Variants in TTC17 observed in about 807,000 individuals in gnomAD.
TTC17 encodes tetratricopeptide repeat domain 17.
A neutral mutation model predicts 143.8 loss-of-function variants in TTC17; 58 were observed. The ratio of observed to expected loss-of-function variants is 0.40; its 90% CI spans 0.33 to 0.50. TTC17 has a LOEUF of 0.50. TTC17 is among the 20% of genes least tolerant of loss of function. The pLI, the probability that TTC17 is intolerant of heterozygous loss-of-function variation, is 0.49. For missense variants in TTC17, 1,273 were observed against 1,392.5 expected (o/e 0.91, Z 1.37); for synonymous variants, 501 against 497.8 (o/e 1.01, Z -0.09).
chr11:43,479,092 T>C (rs182077835), intron 21 of TTC17, among the ~76,000 whole-genome samples: 72 of 152,034 alleles, frequency 4.7e-4, no homozygotes, highest in African/African-American at 1.7e-3. Context: ...TACAAAAAAT[T>C]AGCAAGGTGT....
At chr11:43,381,966 T>C (rs11037426) in intron 2 of TTC17, among the ~76,000 whole-genome samples, 87,730 of 152,042 alleles carry the variant, frequency 0.58, 26,462 homozygotes, top group African/African-American at 0.73. Flanking sequence ...CAAGAATGGA[T>C]GTCACGTGGG....
At chr11:43,462,587 C>A (rs1254243989) in intron 21 of TTC17, among the ~76,000 whole-genome samples, 2 of 152,188 alleles carry the variant, frequency 1.3e-5, no homozygotes, top group African/African-American at 4.8e-5. Context: ...TTTTGGACCT[C>A]CTGCCTTAAG....
intron 15 of TTC17, among the ~76,000 whole-genome samples, chr11:43,411,495 C>T (rs951283418): frequency 1.3e-5 from 2 of 151,818 alleles, no homozygotes; most frequent in African/African-American, 4.8e-5. Context: ...ATTTTGCTCA[C>T]TGACATCCCC....
chr11:43,380,241 C>T (rs1856914231), intron 2 of TTC17, among the ~76,000 whole-genome samples: 1 of 152,040 alleles, frequency 6.6e-6, no homozygotes, highest in Non-Finnish European at 1.5e-5. Flanking sequence ...AGCTGGCATA[C>T]CTGTTTTTTG....
intron 16 of TTC17, among the ~76,000 whole-genome samples, chr11:43,421,591 A>G (rs1946905943): frequency 6.6e-6 from 1 of 152,186 alleles, no homozygotes; most frequent in Admixed American, 6.5e-5. Flanking sequence ...TCATAGGAGC[A>G]TGAACCTATT....
Position 43,493,837 on chromosome 11 carries a change from C to T in TTC17, c.3359C>T (p.Pro1120Leu), listed in dbSNP as rs757564706. Residue 1120 changes from proline to leucine, a missense_variant, in exon 24 of 24, where the codon CCA (proline) becomes CTA (leucine). Coordinates refer to ENST00000039989, the MANE Select transcript of TTC17 (RefSeq NM_018259.6). ...TTGAAGCTTCAGCCCGAGTTTGTCCCAGCCAAGAACCGAATCCAGACCATC... is the reference window on the plus strand; with the variant it reads ...TTGAAGCTTCAGCCCGAGTTTGTCCTAGCCAAGAACCGAATCCAGACCATC... The part of the protein sequence containing the change: ...STLKLQPEFV[P>L]AKNRIQTIQC... 20 of 1,613,934 alleles carry T rather than the reference C, an allele frequency of 1.2e-5. No individual in the cohort carries two copies. The highest frequency in any genetic ancestry group is 8.5e-7 in the Non-Finnish European group (1 of 1,179,990).
At position 43,401,452 on chromosome 11, in the gene TTC17, A is replaced by G. The variant is rs1857851906; in HGVS notation, c.1226A>G (p.His409Arg). The G allele has an allele frequency of 2.5e-6, 4 of 1,608,128 alleles. No individual in the cohort carries two copies. Among genetic ancestry groups the G allele is most frequent in the Admixed American group, 1.7e-5 (1 of 58,866 alleles). ...ATTTCCTTTCTTATTCCAGGAAATC[A>G]TCAGATATGCCGACTGGTCAACCAG... Reference protein sequence around the residue: ...QMAKEAQLGNHQICRLVNQQH... With the variant: ...QMAKEAQLGNRQICRLVNQQH... Residue 409 changes from histidine to arginine, a missense_variant, in exon 10 of 24, where the codon CAT becomes CGT. His to Arg is a conservative substitution (Grantham distance 29, BLOSUM62 0). Coordinates refer to ENST00000039989, the MANE Select transcript of TTC17 (RefSeq NM_018259.6).
chr11:43,374,104 T>A (rs546727777), intron 1 of TTC17, among the ~76,000 whole-genome samples: 2 of 152,302 alleles, frequency 1.3e-5, no homozygotes, highest in East Asian at 3.9e-4. Context: ...ATTAAATGCC[T>A]AGCATATACC....
At chr11:43,384,477 G>A (rs1269983752) in intron 2 of TTC17, among the ~76,000 whole-genome samples, 3 of 152,152 alleles carry the variant, frequency 2.0e-5, no homozygotes, top group Non-Finnish European at 4.4e-5. Flanking sequence ...GCAGCATGGA[G>A]AAATGCTGTT....
At chr11:43,446,803 G>A (rs984329201) in intron 18 of TTC17, 1 of 489,078 alleles carries the variant, frequency 2.0e-6, no homozygotes, top group East Asian at 1.5e-4. Context: ...TTTTCTTGGG[G>A]ATTTGATGTA....
chr11:43,385,716 A>AG (rs1857144604), intron 2 of TTC17: 1 of 150,360 alleles, frequency 6.7e-6, no homozygotes, highest in African/African-American at 2.4e-5. Context: ...GTCTTTAAAA[A>AG]GAAAAAAAAA....
intron 15 of TTC17, among the ~76,000 whole-genome samples, chr11:43,407,904 C>T (rs1260962720): frequency 6.6e-6 from 1 of 151,388 alleles, no homozygotes; most frequent in East Asian, 2.0e-4. Context: ...TCCTACTCAT[C>T]ACAGCATGCA....
At chr11:43,368,936 C>T (rs1209036551) in intron 1 of TTC17, among the ~76,000 whole-genome samples, 2 of 152,220 alleles carry the variant, frequency 1.3e-5, no homozygotes, top group Admixed American at 6.5e-5. Context: ...AACCACCAAG[C>T]TTGATTCTGC....
intron 2 of TTC17, among the ~76,000 whole-genome samples, chr11:43,384,144 CAAAAAA>C (rs11299211): frequency 7.2e-6 from 1 of 139,242 alleles, no homozygotes; most frequent in South Asian, 2.3e-4. Context: ...GACCCTGTCT[CAAAAAA>C]AAAAAAAGAA....
intron 21 of TTC17, among the ~76,000 whole-genome samples, chr11:43,461,378 G>C (rs1238078159): frequency 1.0e-5 from 1 of 96,474 alleles, no homozygotes; most frequent in Admixed American, 1.7e-4. Flanking sequence ...GCGACAGAGC[G>C]AAACTCCGTC....
At chr11:43,375,912 C>T (rs1201823227) in intron 1 of TTC17, among the ~76,000 whole-genome samples, 1 of 152,100 alleles carries the variant, frequency 6.6e-6, no homozygotes, top group East Asian at 1.9e-4. Context: ...TGTGAACTTA[C>T]TGAATTTGTT....
chr11:43,483,997 C>G (rs1003883772), intron 21 of TTC17, among the ~76,000 whole-genome samples: 2 of 152,238 alleles, frequency 1.3e-5, no homozygotes, highest in African/African-American at 4.8e-5. Flanking sequence ...CAAAAATTAG[C>G]CAGGCGTGGT....
chr11:43,397,832 G>T lies in TTC17; in HGVS notation c.919-142G>T, dbSNP rs148662112. 8.9e-5 allele frequency: 107 copies of T among 1,196,992 alleles called. No homozygotes were observed. The East Asian group carries it at 2.7e-3, about 30-fold the overall frequency. 74.1% of individuals were successfully genotyped at this position (1,196,992 alleles called of 1,614,324 possible). A position where few individuals can be genotyped will look rare whatever the true frequency, so the allele number is the denominator to read the frequency against. On this transcript the variant is annotated intron_variant, in intron 7 of 23. Transcript: ENST00000039989. ...AATGGTCACTGTAGAGTAAGAGGTA[G>T]GTGTGATCTCATAAATCATTAGAGG...
intron 13 of TTC17, 69 bp downstream of exon 13, chr11:43,406,020 A>G (rs531672558): frequency 3.1e-4 from 466 of 1,505,238 alleles, no homozygotes; most frequent in Admixed American, 1.1e-3. Flanking sequence ...CTTAAATGGA[A>G]CAAAAAATTG....
Sources: allele counts gnomAD v4.1 joint callset (sites outside exome capture counted in the v4.1 genomes callset), GRCh38; gene constraint gnomAD v4.1.1; transcripts MANE v1.5; gene names NCBI Gene and HGNC (gene_info 2026-07-23, HGNC 2026-07-21).